CGGBP1: variants seen among roughly 807,000 people sequenced by gnomAD.
CGGBP1 encodes CGG triplet repeat-binding protein 1.
Under a neutral mutation model 11.4 loss-of-function variants are expected in CGGBP1, and 4 were observed. That is an observed-to-expected ratio of 0.35 (90% CI 0.17 to 0.80). The LOEUF (loss-of-function observed/expected upper bound fraction) is 0.80. Among genes scored for constraint, CGGBP1 ranks in the 30% least tolerant of loss-of-function variants. The probability of loss-of-function intolerance (pLI) is 0.52; values close to 1 mark genes in which losing one functional copy is unlikely to be tolerated. For missense variants in CGGBP1, 135 were observed against 202.1 expected (o/e 0.67, Z 2.01); for synonymous variants, 76 against 74.1 (o/e 1.03, Z -0.13).
intron 2 of CGGBP1, among the ~76,000 whole-genome samples, chr3:88,130,453 TTTG>T (rs1706381072): frequency 6.6e-6 from 1 of 152,006 alleles, no homozygotes; most frequent in Admixed American, 6.6e-5. Context: ...ATTTTTTGTT[TTTG>T]TTTTTGTTTT....
At chr3:88,089,114 G>A (rs1708500974) in intron 2 of CGGBP1, among the ~76,000 whole-genome samples, 1 of 150,556 alleles carries the variant, frequency 6.6e-6, no homozygotes, top group Non-Finnish European at 1.5e-5. Context: ...ATTTTGTGAT[G>A]CCGGAAGGAA....
chr3:88,084,540 G>A, intron 2 of CGGBP1, among the ~76,000 whole-genome samples: 1 of 152,286 alleles, frequency 6.6e-6, no homozygotes, highest in Non-Finnish European at 1.5e-5. Flanking sequence ...GCAAGAGCCA[G>A]ACGAGATACA....
At chr3:88,132,565 A>G (rs1257915999) in intron 2 of CGGBP1, among the ~76,000 whole-genome samples, 7 of 152,192 alleles carry the variant, frequency 4.6e-5, no homozygotes, top group Admixed American at 6.5e-5. Context: ...TTTAAATCCA[A>G]TCAAAATGGA....
At chr3:88,084,053 A>G (rs1283120554) in intron 2 of CGGBP1, among the ~76,000 whole-genome samples, 2 of 152,142 alleles carry the variant, frequency 1.3e-5, no homozygotes, top group African/African-American at 4.8e-5. Flanking sequence ...GTAAAACGGT[A>G]TCTAAATTTC....
At chr3:88,099,470 A>G (rs1051613329) in intron 2 of CGGBP1, among the ~76,000 whole-genome samples, 1 of 152,196 alleles carries the variant, frequency 6.6e-6, no homozygotes, top group African/African-American at 2.4e-5. Context: ...GAATTGGAAA[A>G]AACTACTTTA....
At chr3:88,141,763 C>A in intron 1 of CGGBP1, 1 of 778,008 alleles carries the variant, frequency 1.3e-6, no homozygotes, top group South Asian at 2.9e-5. Flanking sequence ...TTAGAGTGGT[C>A]TTGGATTACT....
intron 2 of CGGBP1, among the ~76,000 whole-genome samples, chr3:88,125,249 T>C (rs1706029445): frequency 6.7e-6 from 1 of 149,916 alleles, no homozygotes. Context: ...AAAAAACCAA[T>C]ATCTAATAAA....
chr3:88,069,286 G>A lies in CGGBP1; in HGVS notation c.-228-11063C>T, dbSNP rs377365535. ...AAAATACAAAAATTAGTCGGGCATG[G>A]TGGTGCATGCCTGTATTCCCAGTTA... On this transcript the variant is annotated intron_variant, in intron 2 of 3. Transcript: ENST00000462901. 1.6e-4 allele frequency among the ~76,000 whole-genome samples: 24 copies of A among 152,308 alleles called. No homozygotes were observed. The East Asian group carries it at 4.1e-3, about 26-fold the overall frequency.
Position 88,068,908 on chromosome 3 carries a change from A to G in CGGBP1, c.-228-10685T>C, listed in dbSNP as rs1363329125. 8.5e-5 allele frequency among the ~76,000 whole-genome samples: 13 copies of G among 152,220 alleles called. No individual in the cohort carries two copies. The South Asian group carries it at 2.3e-3, about 27-fold the overall frequency. On this transcript the variant is annotated intron_variant, in intron 2 of 3. Coordinates refer to the CGGBP1 transcript ENST00000462901. ...CACTTAGCCTCTGCAGTGCAATACAATACATTGTATTGTATCTAGGAATAA... is the reference window on the plus strand; with the variant it reads ...CACTTAGCCTCTGCAGTGCAATACAGTACATTGTATTGTATCTAGGAATAA...
At chr3:88,073,345 T>C (rs2107620812) in intron 2 of CGGBP1, among the ~76,000 whole-genome samples, 1 of 152,256 alleles carries the variant, frequency 6.6e-6, no homozygotes, top group African/African-American at 2.4e-5. Context: ...AAAAATAGAT[T>C]GAGGCTTGGC....
intron 2 of CGGBP1, among the ~76,000 whole-genome samples, chr3:88,084,610 T>C (rs778360805): frequency 2.6e-5 from 4 of 152,132 alleles, no homozygotes; most frequent in Non-Finnish European, 1.5e-5. Flanking sequence ...CCAGAAACAT[T>C]GGAAAGATGT....
intron 2 of CGGBP1, among the ~76,000 whole-genome samples, chr3:88,068,304 GAGAC>G (rs955820284): frequency 1.3e-5 from 2 of 152,044 alleles, no homozygotes; most frequent in African/African-American, 2.4e-5. Context: ...AATTAACTTT[GAGAC>G]AGAAAGGGAC....
chr3:88,140,722 A>G (rs1707075583), intron 2 of CGGBP1: 3 of 1,613,804 alleles, frequency 1.9e-6, no homozygotes, highest in Non-Finnish European at 2.5e-6. Context: ...CCACAAGAAC[A>G]CAACACCTTG....
At chr3:88,132,899 A>G (rs866612509) in intron 2 of CGGBP1, among the ~76,000 whole-genome samples, 1 of 152,210 alleles carries the variant, frequency 6.6e-6, no homozygotes, top group Non-Finnish European at 1.5e-5. Flanking sequence ...ATCTGTGCCT[A>G]AATAGGAAAA....
chr3:88,107,259 A>G (rs1240138242), intron 2 of CGGBP1, among the ~76,000 whole-genome samples: 1 of 152,108 alleles, frequency 6.6e-6, no homozygotes, highest in Non-Finnish European at 1.5e-5. Context: ...TATTGATGTC[A>G]TGTGTTTTTG....
At chr3:88,100,108 G>T (rs1424957902) in intron 2 of CGGBP1, among the ~76,000 whole-genome samples, 1 of 152,122 alleles carries the variant, frequency 6.6e-6, no homozygotes, top group Non-Finnish European at 1.5e-5. Flanking sequence ...AATCTACAAA[G>T]AACTTAAACA....
rs546151883 is a variant in CGGBP1 at position 88,071,440 on chromosome 3, C to T, written c.-228-13217G>A. Reference sequence around the variant, plus strand: ...CGGGCGGATCACAAAGTTAGGAGATCGAGACCGTCCTGGCTAACACGGTGA... The same window carrying T: ...CGGGCGGATCACAAAGTTAGGAGATTGAGACCGTCCTGGCTAACACGGTGA... On this transcript the variant is annotated intron_variant, in intron 2 of 3. Coordinates refer to the CGGBP1 transcript ENST00000462901. 4.6e-5 allele frequency among the ~76,000 whole-genome samples: 7 copies of T among 152,204 alleles called. No individual in the cohort carries two copies. The South Asian group carries it at 6.2e-4, about 14-fold the overall frequency.
chr3:88,069,647 T>G (rs550972258), intron 2 of CGGBP1, among the ~76,000 whole-genome samples: 4 of 152,336 alleles, frequency 2.6e-5, no homozygotes, highest in African/African-American at 9.6e-5. Flanking sequence ...TTCTGCTACT[T>G]AGATGGAGAG....
At chr3:88,142,209 A>C (rs1348630234) in intron 1 of CGGBP1, 1 of 152,096 alleles carries the variant, frequency 6.6e-6, no homozygotes, top group East Asian at 1.9e-4. Context: ...CAGTGCTATC[A>C]ATTAAAGATT....
Sources: gnomAD v4.1 joint callset for allele counts (sites outside exome capture counted in the v4.1 genomes callset) on GRCh38, gnomAD v4.1.1 for gene constraint, MANE v1.5 for transcripts, NCBI Gene and HGNC (gene_info 2026-07-23, HGNC 2026-07-21) for gene names.